DLG2: variants seen among roughly 807,000 people sequenced by gnomAD.
The protein encoded by DLG2 is discs large MAGUK scaffold protein 2.
DLG2 carries 45 observed loss-of-function variants against 132.5 expected under a neutral mutation model. That is an observed-to-expected ratio of 0.34 (90% CI 0.27 to 0.44). DLG2 has a LOEUF of 0.44. Among genes scored for constraint, DLG2 ranks in the 20% least tolerant of loss-of-function variants. DLG2 has a pLI of 1.00. For missense variants in DLG2, 1,045 were observed against 1,196.9 expected (o/e 0.87, Z 1.87); for synonymous variants, 424 against 419.6 (o/e 1.01, Z -0.13).
chr11:83,633,832 C>T (rs1226789398), intron 18 of DLG2, among the ~76,000 whole-genome samples: 2 of 151,058 alleles, frequency 1.3e-5, no homozygotes, highest in Non-Finnish European at 2.9e-5. Flanking sequence ...TGTGAATATC[C>T]TAGTTGTGAT....
chr11:83,650,730 T>C (rs2069992568), intron 18 of DLG2, among the ~76,000 whole-genome samples: 1 of 152,184 alleles, frequency 6.6e-6, no homozygotes, highest in African/African-American at 2.4e-5. Flanking sequence ...CATACACAAA[T>C]TCTAGCTTAC....
chr11:85,321,511 G>A (rs746290406), intron 3 of DLG2, among the ~76,000 whole-genome samples: 3 of 151,986 alleles, frequency 2.0e-5, no homozygotes, highest in East Asian at 1.9e-4. Context: ...ACAGACTAAG[G>A]ATGATAGGGT....
At chr11:85,516,313 T>A (rs980438276) in intron 3 of DLG2, among the ~76,000 whole-genome samples, 1 of 151,924 alleles carries the variant, frequency 6.6e-6, no homozygotes, top group Admixed American at 6.6e-5. Context: ...AGAGGGAAGT[T>A]TTGAGCAATA....
At chr11:84,596,797 G>C (rs1399689694) in intron 6 of DLG2, among the ~76,000 whole-genome samples, 1 of 152,144 alleles carries the variant, frequency 6.6e-6, no homozygotes, top group African/African-American at 2.4e-5. Context: ...AGGTTGAACT[G>C]TTAACTTAAT....
chr11:83,563,442 G>A (rs500359), intron 19 of DLG2, among the ~76,000 whole-genome samples: 71,344 of 152,070 alleles, frequency 0.47, 17,243 homozygotes, highest in Admixed American at 0.57. Context: ...AAGTGTTAAC[G>A]TAGCTGCAGG....
chr11:83,791,264 T>A, intron 17 of DLG2: 1 of 666,988 alleles, frequency 1.5e-6, no homozygotes, highest in South Asian at 1.8e-5. Flanking sequence ...GAGGAGAAGG[T>A]GTCCTCATCG....
At chr11:83,478,201 T>G (rs1433456083) in intron 22 of DLG2, among the ~76,000 whole-genome samples, 1 of 152,108 alleles carries the variant, frequency 6.6e-6, no homozygotes, top group Non-Finnish European at 1.5e-5. Flanking sequence ...TCCTCTGGAA[T>G]TCTTCATATT....
At chr11:84,576,467 G>A (rs1190799044) in intron 6 of DLG2, among the ~76,000 whole-genome samples, 1 of 152,208 alleles carries the variant, frequency 6.6e-6, no homozygotes, top group African/African-American at 2.4e-5. Flanking sequence ...AGGAGATGAT[G>A]ATCAAGCTGA....
chr11:85,499,827 C>G (rs2093755278), intron 3 of DLG2, among the ~76,000 whole-genome samples: 2 of 152,140 alleles, frequency 1.3e-5, no homozygotes, highest in African/African-American at 4.8e-5. Flanking sequence ...ATCACATAAA[C>G]AGAACCAAGA....
At chr11:85,451,008 G>A (rs1174857061) in intron 3 of DLG2, among the ~76,000 whole-genome samples, 1 of 151,936 alleles carries the variant, frequency 6.6e-6, no homozygotes, top group Non-Finnish European at 1.5e-5. Context: ...TTATTCACAT[G>A]CCAACAACTC....
intron 4 of DLG2, among the ~76,000 whole-genome samples, chr11:85,191,584 G>T (rs1315750244): frequency 6.6e-6 from 1 of 152,146 alleles, no homozygotes; most frequent in Non-Finnish European, 1.5e-5. Flanking sequence ...TATGGCAATG[G>T]CTTTCTCAAG....
chr11:84,332,220 T>C (rs568437582), intron 7 of DLG2, among the ~76,000 whole-genome samples: 5 of 151,174 alleles, frequency 3.3e-5, no homozygotes, highest in African/African-American at 7.3e-5. Context: ...TTTTTTTTTT[T>C]TCTTTTTCTG....
intron 7 of DLG2, among the ~76,000 whole-genome samples, chr11:84,394,562 G>A (rs2098804521): frequency 6.6e-6 from 1 of 151,760 alleles, no homozygotes; most frequent in African/African-American, 2.4e-5. Context: ...TACAATTCTT[G>A]TTTCTCCTTG....
rs1011688437 is a variant in DLG2, at chr11:83,521,152, C to T, written c.2193+11556G>A. ...TGTATACTAAATAAATATTCATGGA[C>T]CTCCAAAGAACAGTGTCTGGCTGTG... On this transcript the variant is annotated intron_variant, in intron 21 of 27. Coordinates refer to ENST00000376104, the MANE Select transcript of DLG2 (RefSeq NM_001142699.3). Among the ~76,000 whole-genome samples, 20 of 152,200 alleles carry T rather than the reference C, an allele frequency of 1.3e-4. 1 individual carries two copies. The highest frequency in any genetic ancestry group is 1.1e-3 in the Admixed American group (17 of 15,286).
chr11:85,509,307 T>A (rs1479666486), intron 3 of DLG2, among the ~76,000 whole-genome samples: 1 of 152,058 alleles, frequency 6.6e-6, no homozygotes, highest in Non-Finnish European at 1.5e-5. Context: ...AAGCTTAAAA[T>A]CATACTCTAG....
intron 3 of DLG2, among the ~76,000 whole-genome samples, chr11:85,594,613 AAC>A (rs767641466): frequency 2.0e-5 from 3 of 152,242 alleles, no homozygotes; most frequent in Non-Finnish European, 4.4e-5. Context: ...ACTAAAGAAT[AAC>A]ACATAATTTT....
chr11:83,811,926 G>A (rs1384606278), intron 17 of DLG2, among the ~76,000 whole-genome samples: 3 of 152,124 alleles, frequency 2.0e-5, no homozygotes, highest in Admixed American at 1.3e-4. Context: ...AGGACTGGGA[G>A]TGTGTAGAAG....
At chr11:83,666,286 C>T (rs370436084) in intron 18 of DLG2, among the ~76,000 whole-genome samples, 39 of 152,276 alleles carry the variant, frequency 2.6e-4, no homozygotes, top group African/African-American at 9.1e-4. Context: ...CAGAGGTCCC[C>T]AACCCCCAGT....
chr11:85,111,773 T>C, intron 5 of DLG2, 38 bp from the exon 6 acceptor site: 1 of 1,426,420 alleles, frequency 7.0e-7, no homozygotes, highest in Non-Finnish European at 9.7e-7. Context: ...TTCTATTTAT[T>C]ATGGGCCAGT....
Sources: gnomAD v4.1 joint callset for allele counts (sites outside exome capture counted in the v4.1 genomes callset) on GRCh38, gnomAD v4.1.1 for gene constraint, MANE v1.5 for transcripts, NCBI Gene and HGNC (gene_info 2026-07-23, HGNC 2026-07-21) for gene names.